Variants in MACROD2 observed in about 807,000 individuals in gnomAD.
MACROD2 encodes mono-ADP ribosylhydrolase 2, also known as ADP-ribose glycohydrolase MACROD2.
MACROD2 carries 36 observed loss-of-function variants against 70.4 expected under a neutral mutation model. The observed-to-expected ratio is 0.51, with a 90% CI of 0.39 to 0.68. MACROD2 has a LOEUF of 0.68. MACROD2 is among the 30% of genes least tolerant of loss of function. The probability of loss-of-function intolerance (pLI) is 0.00; values close to 1 mark genes in which losing one functional copy is unlikely to be tolerated. For missense variants in MACROD2, 496 were observed against 538.4 expected (o/e 0.92, Z 0.78); for synonymous variants, 172 against 178.8 (o/e 0.96, Z 0.30).
At chr20:15,725,405 A>G (rs545657393) in intron 8 of MACROD2, among the ~76,000 whole-genome samples, 2 of 152,188 alleles carry the variant, frequency 1.3e-5, no homozygotes, top group Non-Finnish European at 2.9e-5. Context: ...GGCATACAGG[A>G]AAGCAATTGA....
At chr20:14,160,735 T>C (rs1407281512) in intron 3 of MACROD2, among the ~76,000 whole-genome samples, 2 of 152,080 alleles carry the variant, frequency 1.3e-5, no homozygotes, top group Non-Finnish European at 2.9e-5. Context: ...CTCTGATTTT[T>C]ATTATTTTTT....
intron 4 of MACROD2, among the ~76,000 whole-genome samples, chr20:14,530,305 G>A (rs1032816639): frequency 2.0e-4 from 30 of 152,160 alleles, no homozygotes; most frequent in African/African-American, 7.0e-4. Context: ...GGGGATGTGA[G>A]ACCAACAACA....
intron 11 of MACROD2, among the ~76,000 whole-genome samples, chr20:15,936,224 A>T (rs1002162481): frequency 1.3e-5 from 2 of 149,368 alleles, no homozygotes; most frequent in African/African-American, 4.9e-5. Flanking sequence ...CTATATATAA[A>T]CTATAGAGTC....
chr20:15,430,827 C>T (rs1367277448), intron 6 of MACROD2, among the ~76,000 whole-genome samples: 1 of 151,608 alleles, frequency 6.6e-6, no homozygotes, highest in Non-Finnish European at 1.5e-5. Context: ...TTTTGATTTT[C>T]ACAGAATGCT....
At chr20:15,258,919 AAGC>A (rs1427237112) in intron 6 of MACROD2, among the ~76,000 whole-genome samples, 2 of 152,028 alleles carry the variant, frequency 1.3e-5, no homozygotes, top group Non-Finnish European at 2.9e-5. Flanking sequence ...TTAGAGATAA[AAGC>A]AGCTAATTTC....
At chr20:14,236,493 A>G (rs909368148) in intron 3 of MACROD2, among the ~76,000 whole-genome samples, 1 of 152,146 alleles carries the variant, frequency 6.6e-6, no homozygotes, top group African/African-American at 2.4e-5. Context: ...AGCAAAAAAA[A>G]CTACATCTGC....
chr20:15,155,655 C>T (rs964231189), intron 5 of MACROD2, among the ~76,000 whole-genome samples: 1 of 152,144 alleles, frequency 6.6e-6, no homozygotes, highest in African/African-American at 2.4e-5. Context: ...TTCATTAGAA[C>T]AGGAGCTCCC....
chr20:15,152,753 C>T (rs1160473159), intron 5 of MACROD2, among the ~76,000 whole-genome samples: 2 of 152,050 alleles, frequency 1.3e-5, no homozygotes, highest in Admixed American at 6.5e-5. Flanking sequence ...CCTCTGAAAC[C>T]TGGGTGAATA....
chr20:14,325,539 G>A, intron 3 of MACROD2: 1 of 1,592,722 alleles, frequency 6.3e-7, no homozygotes, highest in Non-Finnish European at 8.6e-7. Context: ...ACACAAGTCT[G>A]CTGTGAGTCC....
At chr20:14,517,582 A>G (rs1245668958) in intron 4 of MACROD2, among the ~76,000 whole-genome samples, 2 of 152,146 alleles carry the variant, frequency 1.3e-5, no homozygotes, top group African/African-American at 4.8e-5. Flanking sequence ...GAAATACCTA[A>G]TGTAGATGAT....
intron 3 of MACROD2, among the ~76,000 whole-genome samples, chr20:14,273,446 C>T (rs367580265): frequency 6.8e-6 from 1 of 147,608 alleles, no homozygotes; most frequent in African/African-American, 2.5e-5. Context: ...TTGAAACCAA[C>T]GAGAACAAAG....
intron 6 of MACROD2, among the ~76,000 whole-genome samples, chr20:15,249,836 G>A (rs141266149): frequency 1.2e-4 from 19 of 152,342 alleles, no homozygotes; most frequent in African/African-American, 4.1e-4. Flanking sequence ...AAGGTTTGAG[G>A]ATTTGCACAG....
At chr20:15,355,186 C>G (rs2078272957) in intron 6 of MACROD2, among the ~76,000 whole-genome samples, 1 of 152,198 alleles carries the variant, frequency 6.6e-6, no homozygotes, top group African/African-American at 2.4e-5. Flanking sequence ...CCGCAAGACT[C>G]TCTTTAATTC....
At chr20:14,933,222 A>G (rs1216444137) in intron 5 of MACROD2, among the ~76,000 whole-genome samples, 1 of 152,138 alleles carries the variant, frequency 6.6e-6, no homozygotes, top group African/African-American at 2.4e-5. Flanking sequence ...GTCTTATTCA[A>G]AATTCTTACA....
chr20:15,465,604 A>G (rs62193890), intron 7 of MACROD2, among the ~76,000 whole-genome samples: 5,595 of 152,358 alleles, frequency 0.037, 115 homozygotes, highest in South Asian at 0.065. Context: ...TCCATAGTCC[A>G]CAATCGGGCA....
intron 7 of MACROD2, among the ~76,000 whole-genome samples, chr20:15,455,036 C>A (rs2046704003): frequency 6.6e-6 from 1 of 152,142 alleles, no homozygotes; most frequent in South Asian, 2.1e-4. Flanking sequence ...TATGGTCACA[C>A]AGAGACCACA....
At chr20:14,535,073 C>G (rs907102491) in intron 4 of MACROD2, among the ~76,000 whole-genome samples, 1 of 152,170 alleles carries the variant, frequency 6.6e-6, no homozygotes, top group East Asian at 1.9e-4. Context: ...CTGATGAGTA[C>G]TTTCTAGTTA....
chr20:14,809,064 C>A (rs2072675742), intron 5 of MACROD2, among the ~76,000 whole-genome samples: 1 of 152,114 alleles, frequency 6.6e-6, no homozygotes, highest in Non-Finnish European at 1.5e-5. Flanking sequence ...GACTTGAACT[C>A]AGCTCTGGAC....
intron 3 of MACROD2, among the ~76,000 whole-genome samples, chr20:14,180,065 A>G (rs139563640): frequency 2.0e-3 from 308 of 152,306 alleles, no homozygotes; most frequent in Non-Finnish European, 3.6e-3. Flanking sequence ...TACCCATTAA[A>G]CAATAACTTT....
Sources: gnomAD v4.1 joint callset for allele counts (sites outside exome capture counted in the v4.1 genomes callset) on GRCh38, gnomAD v4.1.1 for gene constraint, MANE v1.5 for transcripts, NCBI Gene and HGNC (gene_info 2026-07-23, HGNC 2026-07-21) for gene names.